IGF2R: variants seen among roughly 807,000 people sequenced by gnomAD.
The protein encoded by IGF2R is insulin like growth factor 2 receptor, also known as cation-independent mannose-6-phosphate receptor.
In IGF2R, 91 loss-of-function variants were observed where a neutral mutation model predicts 270.6. That is an observed-to-expected ratio of 0.34 (90% CI 0.28 to 0.40). The LOEUF (loss-of-function observed/expected upper bound fraction) is 0.40. Among genes scored for constraint, IGF2R ranks in the 10% least tolerant of loss-of-function variants. IGF2R has a pLI of 1.00. For synonymous variants in IGF2R, 1,316 were observed against 1,258.9 expected (o/e 1.05, Z -0.96); for missense variants, 2,805 against 3,188.3 (o/e 0.88, Z 2.90).
rs139314366 is a variant in IGF2R at position 160,001,079 on chromosome 6, C to T, written c.290-7931C>T. Among the ~76,000 whole-genome samples the T allele has an allele frequency of 8.0e-4, 122 of 152,132 alleles. No individual in the cohort carries two copies. The East Asian group carries it at 8.1e-3, about 10-fold the overall frequency. ...TGCCCTGAAGCAGGGGTCCTCAACC[C>T]CCGGGCCACAGACTGGTAGCGGTTT... On this transcript the variant is annotated intron_variant, in intron 2 of 47. Transcript: ENST00000356956.
At chr6:159,985,955 G>T (rs1055832077) in intron 1 of IGF2R, among the ~76,000 whole-genome samples, 3 of 152,196 alleles carry the variant, frequency 2.0e-5, no homozygotes, top group African/African-American at 7.2e-5. Flanking sequence ...AGATGGTTTT[G>T]CATCCAGAAG....
intron 19 of IGF2R, among the ~76,000 whole-genome samples, chr6:160,053,897 G>C (rs1279653874): frequency 1.3e-5 from 2 of 152,068 alleles, no homozygotes; most frequent in African/African-American, 4.8e-5. Flanking sequence ...TAAATTTTTT[G>C]AAGAGATGGG....
At chr6:160,029,461 A>G in intron 6 of IGF2R, 89 bp from the exon 7 acceptor site, 3 of 737,088 alleles carry the variant, frequency 4.1e-6, no homozygotes, top group South Asian at 1.5e-5. Flanking sequence ...CTCCCCCCCA[A>G]GTGAATGTGC....
chr6:160,080,617 C>T (rs1042535690), intron 39 of IGF2R, among the ~76,000 whole-genome samples: 33 of 152,140 alleles, frequency 2.2e-4, no homozygotes, highest in Admixed American at 2.2e-3. Context: ...TATGGGTCTT[C>T]AGGATTCTGA....
At chr6:160,040,359 A>G (rs1777917414) in intron 10 of IGF2R, among the ~76,000 whole-genome samples, 1 of 152,204 alleles carries the variant, frequency 6.6e-6, no homozygotes, top group Non-Finnish European at 1.5e-5. Context: ...CTGGCCTGCC[A>G]TCGAGGACTT....
intron 11 of IGF2R, 105 bp downstream of exon 11, chr6:160,040,829 C>T (rs895615625): frequency 8.9e-6 from 10 of 1,120,416 alleles, no homozygotes; most frequent in East Asian, 2.4e-5. Flanking sequence ...CAGTGGGTTG[C>T]GTCACAGCCC....
chr6:160,085,243 C>T (rs1779075033), intron 41 of IGF2R, 112 bp downstream of exon 41: 1 of 1,142,194 alleles, frequency 8.8e-7, no homozygotes, highest in African/African-American at 1.6e-5. Context: ...TGGAAACCTC[C>T]AGATATGATT....
At chr6:160,091,803 A>G (rs1562376113) in intron 44 of IGF2R, among the ~76,000 whole-genome samples, 2 of 152,236 alleles carry the variant, frequency 1.3e-5, no homozygotes, top group Non-Finnish European at 2.9e-5. Context: ...AGAAGCCTTC[A>G]GGGGCCCTAT....
At chr6:160,000,609 A>G (rs903591777) in intron 2 of IGF2R, among the ~76,000 whole-genome samples, 1 of 152,036 alleles carries the variant, frequency 6.6e-6, no homozygotes, top group Non-Finnish European at 1.5e-5. Flanking sequence ...AGAAATTTAA[A>G]TGGTTGAATC....
intron 42 of IGF2R, among the ~76,000 whole-genome samples, 159 bp from the exon 43 acceptor site, chr6:160,088,948 G>A (rs117215957): frequency 2.5e-3 from 385 of 152,328 alleles, no homozygotes; most frequent in Non-Finnish European, 4.3e-3. Context: ...GGCCTGCGCA[G>A]CCCGGGGAGT....
chr6:160,044,553 C>A lies in IGF2R; in HGVS notation c.1661C>A (p.Ser554Tyr). The A allele has an allele frequency of 6.2e-7, 1 of 1,606,152 alleles. No homozygotes were observed. The highest frequency in any genetic ancestry group is 8.5e-7 in the Non-Finnish European group (1 of 1,174,496). The change falls in exon 13 of 48, where the codon TCT becomes TAT. Residue 554 changes from serine (S) to tyrosine (Y), a missense_variant. Transcript: ENST00000356956. Reference sequence around the variant, plus strand: ...AAAAATCTGGGAAAATTTATTTCCTCTCCCATGAAAGAGAAAGGAAACATT... The same window carrying A: ...AAAAATCTGGGAAAATTTATTTCCTATCCCATGAAAGAGAAAGGAAACATT... ...GSKNLGKFIS[S>Y]PMKEKGNIQL...
intron 44 of IGF2R, chr6:160,094,799 G>A (rs1050777383): frequency 6.6e-6 from 1 of 151,636 alleles, no homozygotes; most frequent in Non-Finnish European, 1.5e-5. Context: ...TCGGGAGGCT[G>A]AGGCAGGAGA....
At chr6:159,975,773 GT>G (rs1783684240) in intron 1 of IGF2R, among the ~76,000 whole-genome samples, 1 of 145,808 alleles carries the variant, frequency 6.9e-6, no homozygotes, top group Admixed American at 6.9e-5. Context: ...TATTATATAT[GT>G]ATTATATATA....
intron 26 of IGF2R, among the ~76,000 whole-genome samples, chr6:160,063,150 GC>G (rs1443843505): frequency 4.0e-5 from 6 of 149,810 alleles, no homozygotes; most frequent in South Asian, 2.1e-4. Context: ...TGATTCTCCT[GC>G]CTCAGCCTCC....
intron 5 of IGF2R, 116 bp from the exon 6 acceptor site, chr6:160,027,069 A>C: frequency 8.7e-7 from 1 of 1,150,572 alleles, no homozygotes; most frequent in Non-Finnish European, 1.3e-6. Context: ...CAGAATAGTT[A>C]CTTAGGGAGA....
chr6:160,034,738 T>G (rs924617379), intron 10 of IGF2R, among the ~76,000 whole-genome samples: 19 of 152,154 alleles, frequency 1.2e-4, no homozygotes, highest in Non-Finnish European at 2.5e-4. Flanking sequence ...ATCCTGTTTG[T>G]GTTTTCCTCG....
chr6:160,075,204 G>A (rs1778831222), intron 35 of IGF2R, among the ~76,000 whole-genome samples: 2 of 152,148 alleles, frequency 1.3e-5, no homozygotes. Flanking sequence ...AATAAAAAAA[G>A]AGTTTTTTGT....
intron 1 of IGF2R, among the ~76,000 whole-genome samples, chr6:159,990,842 C>A (rs1001559294): frequency 2.6e-5 from 4 of 152,138 alleles, no homozygotes; most frequent in Non-Finnish European, 5.9e-5. Context: ...GTTGGCCAGG[C>A]TGGTCTTGAA....
chr6:159,982,430 A>G (rs1272041990), intron 1 of IGF2R, among the ~76,000 whole-genome samples: 1 of 152,210 alleles, frequency 6.6e-6, no homozygotes, highest in Non-Finnish European at 1.5e-5. Context: ...GGTTGGAAAC[A>G]CTTCACATTC....
Sources: gnomAD v4.1 joint callset for allele counts (sites outside exome capture counted in the v4.1 genomes callset) on GRCh38, gnomAD v4.1.1 for gene constraint, MANE v1.5 for transcripts, NCBI Gene and HGNC (gene_info 2026-07-23, HGNC 2026-07-21) for gene names.